PCDH15: variants seen among roughly 807,000 people sequenced by gnomAD.
The protein encoded by PCDH15 is protocadherin related 15.
Under a neutral mutation model 178.5 loss-of-function variants are expected in PCDH15, and 129 were observed. The observed-to-expected ratio is 0.72, with a 90% CI of 0.63 to 0.84. The LOEUF is 0.84. Among genes scored for constraint, PCDH15 ranks in the 40% least tolerant of loss-of-function variants. The pLI, the probability that PCDH15 is intolerant of heterozygous loss-of-function variation, is 0.00. For missense variants in PCDH15, 2,230 were observed against 2,099.9 expected (o/e 1.06, Z -1.21); for synonymous variants, 800 against 732.0 (o/e 1.09, Z -1.50).
intron 13 of PCDH15, among the ~76,000 whole-genome samples, chr10:54,156,442 G>A (rs965098650): frequency 6.6e-6 from 1 of 152,160 alleles, no homozygotes; most frequent in African/African-American, 2.4e-5. Context: ...GCAGACAAGA[G>A]AAGAGAGCTT....
chr10:54,773,998 C>T (rs75766070), intron 1 of PCDH15, among the ~76,000 whole-genome samples: 7 of 122,780 alleles, frequency 5.7e-5, no homozygotes, highest in Admixed American at 4.7e-4. Flanking sequence ...AACTGGCATA[C>T]TTCATAGGCT....
At chr10:54,612,441 G>GT (rs1565742726) in intron 2 of PCDH15, among the ~76,000 whole-genome samples, 2 of 151,548 alleles carry the variant, frequency 1.3e-5, no homozygotes, top group African/African-American at 2.4e-5. Flanking sequence ...TTAAATAAGT[G>GT]TTTTTTCTCT....
At chr10:55,567,187 G>T (rs1307496972) in intron 2 of PCDH15, among the ~76,000 whole-genome samples, 1 of 151,826 alleles carries the variant, frequency 6.6e-6, no homozygotes, top group Non-Finnish European at 1.5e-5. Context: ...GGAAAAGGCA[G>T]TATTTTCAAT....
At chr10:54,918,313 C>A (rs1035900078) in intron 2 of PCDH15, among the ~76,000 whole-genome samples, 2 of 149,562 alleles carry the variant, frequency 1.3e-5, no homozygotes, top group African/African-American at 5.1e-5. Context: ...ATATGAAGAA[C>A]AAGAAGTTAT....
At chr10:54,140,827 GCA>G (rs2043339245) in intron 14 of PCDH15, among the ~76,000 whole-genome samples, 1 of 151,952 alleles carries the variant, frequency 6.6e-6, no homozygotes, top group African/African-American at 2.4e-5. Context: ...GGGACTACAG[GCA>G]TGTGCCACAA....
chr10:54,653,242 C>G (rs1276674094), intron 2 of PCDH15, among the ~76,000 whole-genome samples: 2 of 152,160 alleles, frequency 1.3e-5, no homozygotes, highest in African/African-American at 4.8e-5. Context: ...AACAGAGTAT[C>G]CACGTGACCA....
intron 1 of PCDH15, among the ~76,000 whole-genome samples, chr10:54,745,522 T>G (rs1945344082): frequency 6.6e-6 from 1 of 152,210 alleles, no homozygotes; most frequent in Admixed American, 6.5e-5. Flanking sequence ...ATGAGTGTGT[T>G]TTAGTTTTCC....
intron 2 of PCDH15, among the ~76,000 whole-genome samples, chr10:55,161,127 C>A (rs936724335): frequency 6.6e-6 from 1 of 152,108 alleles, no homozygotes; most frequent in Admixed American, 6.6e-5. Context: ...CATAGTCATA[C>A]AGTATATACC....
intron 2 of PCDH15, among the ~76,000 whole-genome samples, chr10:54,531,442 A>G (rs1400197752): frequency 6.6e-6 from 1 of 152,176 alleles, no homozygotes; most frequent in Non-Finnish European, 1.5e-5. Flanking sequence ...AAAAAGACAA[A>G]TAATGACTGA....
At chr10:55,142,426 CT>C (rs1450450861) in intron 2 of PCDH15, among the ~76,000 whole-genome samples, 1 of 151,072 alleles carries the variant, frequency 6.6e-6, no homozygotes, top group Non-Finnish European at 1.5e-5. Context: ...TCAGATATAG[CT>C]ATAAATGGAT....
intron 2 of PCDH15, among the ~76,000 whole-genome samples, chr10:54,623,130 G>A (rs1257681662): frequency 6.6e-6 from 1 of 151,866 alleles, no homozygotes; most frequent in Non-Finnish European, 1.5e-5. Context: ...TCTATTCAAG[G>A]TAGACTAGTT....
intron 2 of PCDH15, among the ~76,000 whole-genome samples, chr10:54,617,932 A>G (rs1185704018): frequency 6.6e-6 from 1 of 151,770 alleles, no homozygotes; most frequent in African/African-American, 2.4e-5. Flanking sequence ...CAAAAAAAAA[A>G]AAAAAGAAGA....
At chr10:54,853,318 T>TATATATAAACACAC (rs1194965974) in intron 3 of PCDH15, among the ~76,000 whole-genome samples, 1 of 102,054 alleles carries the variant, frequency 9.8e-6, no homozygotes, top group Admixed American at 1.3e-4. Context: ...TATATATATA[T>TATATATAAACACAC]ACATACACAC....
At chr10:54,984,293 G>T (rs1164064328) in intron 2 of PCDH15, among the ~76,000 whole-genome samples, 1 of 152,078 alleles carries the variant, frequency 6.6e-6, no homozygotes, top group Non-Finnish European at 1.5e-5. Context: ...TGAAGCTAGA[G>T]CTCCTCTCCC....
intron 25 of PCDH15, among the ~76,000 whole-genome samples, chr10:53,932,758 T>A (rs1197650474): frequency 6.6e-6 from 1 of 152,136 alleles, no homozygotes; most frequent in East Asian, 1.9e-4. Flanking sequence ...ATGGTTTTGG[T>A]CTAGGTTCTG....
intron 2 of PCDH15, among the ~76,000 whole-genome samples, chr10:55,613,324 G>A (rs1225073113): frequency 2.0e-5 from 3 of 152,008 alleles, no homozygotes; most frequent in Non-Finnish European, 4.4e-5. Flanking sequence ...GGCTTCCTAG[G>A]TATCTGTGAA....
chr10:55,567,634 G>A (rs1842328239), intron 2 of PCDH15, among the ~76,000 whole-genome samples: 1 of 151,718 alleles, frequency 6.6e-6, no homozygotes, highest in Non-Finnish European at 1.5e-5. Context: ...CAAAATACTT[G>A]AATAGACATT....
chr10:55,143,152 G>A (rs1341792528), intron 2 of PCDH15, among the ~76,000 whole-genome samples: 1 of 151,896 alleles, frequency 6.6e-6, no homozygotes, highest in Non-Finnish European at 1.5e-5. Context: ...TGCCACGATT[G>A]TAAGTTTCCT....
intron 20 of PCDH15, among the ~76,000 whole-genome samples, chr10:54,008,137 T>C (rs2092446612): frequency 6.6e-6 from 1 of 152,190 alleles, no homozygotes. Flanking sequence ...TTCCTACAAA[T>C]TTTATTATGC....
Sources: gnomAD v4.1 joint callset for allele counts (sites outside exome capture counted in the v4.1 genomes callset) on GRCh38, gnomAD v4.1.1 for gene constraint, MANE v1.5 for transcripts, NCBI Gene and HGNC (gene_info 2026-07-23, HGNC 2026-07-21) for gene names.